KANK1: variants seen among roughly 807,000 people sequenced by gnomAD.
KANK1 encodes KN motif and ankyrin repeat domain-containing protein 1.
KANK1 carries 109 observed loss-of-function variants against 106.2 expected under a neutral mutation model. The ratio of observed to expected loss-of-function variants is 1.03; its 90% confidence interval spans 0.88 to 1.20. KANK1 has a LOEUF of 1.20. Among genes scored for constraint, KANK1 ranks in the 50% most tolerant of loss-of-function variants. KANK1 has a pLI of 0.00. For missense variants in KANK1, 2,399 were observed against 1,710.7 expected (o/e 1.40, Z -7.10); for synonymous variants, 873 against 652.2 (o/e 1.34, Z -5.16).
intron 1 of KANK1, among the ~76,000 whole-genome samples, chr9:590,159 T>TAA (rs1260721610): frequency 6.6e-6 from 1 of 152,190 alleles, no homozygotes; most frequent in African/African-American, 2.4e-5. Context: ...CCTCAGGAGT[T>TAA]AAGTGCCACA....
rs879664593 is a variant in KANK1, at chr9:712,963, A to C, written c.2197A>C (p.Thr733Pro). The C allele has an allele frequency of 6.2e-7, 1 of 1,614,032 alleles. No homozygotes were observed. The highest frequency in any genetic ancestry group is 8.5e-7 in the Non-Finnish European group (1 of 1,180,022). ...RVKDINSSTKTRSIGVGTLLS... is the reference protein window; with the variant it reads ...RVKDINSSTKPRSIGVGTLLS... Reference sequence around the variant, plus strand: ...CAAGGACATCAACTCCTCCACCAAGACGCGGTCCATTGGTGTTGGAACGTT... The same window carrying C: ...CAAGGACATCAACTCCTCCACCAAGCCGCGGTCCATTGGTGTTGGAACGTT... Residue 733 changes from threonine to proline, a missense_variant, in exon 3 of 12, where the codon ACG becomes CCG. Transcript: ENST00000382297.
At chr9:569,190 T>C (rs1222199617) in intron 1 of KANK1, among the ~76,000 whole-genome samples, 1 of 128,860 alleles carries the variant, frequency 7.8e-6, no homozygotes, top group Non-Finnish European at 1.9e-5. Flanking sequence ...TTTTATCAAC[T>C]TTGTCTCAAA....
intron 2 of KANK1, among the ~76,000 whole-genome samples, chr9:692,034 A>G (rs1407471833): frequency 2.0e-5 from 3 of 152,182 alleles, no homozygotes; most frequent in African/African-American, 7.2e-5. Context: ...AGCCAGTTCT[A>G]AACAATAAAA....
At chr9:705,017 A>AG (rs1823674121) in intron 2 of KANK1, among the ~76,000 whole-genome samples, 4 of 137,456 alleles carry the variant, frequency 2.9e-5, no homozygotes. Flanking sequence ...AAAAAAAAAA[A>AG]GAGCAATACC....
chr9:712,308 G>A lies in KANK1; in HGVS notation c.1542G>A (p.Lys514=). The A allele has an allele frequency of 6.2e-7, 1 of 1,614,236 alleles. No homozygotes were observed. The highest frequency in any genetic ancestry group is 8.5e-7 in the Non-Finnish European group (1 of 1,180,046). ...TGGCCCAGCCGCTTGTTTTCAGTAAGGTGGTGGAGGCAGTGGTGCAGACCA... is the reference window on the plus strand; with the variant it reads ...TGGCCCAGCCGCTTGTTTTCAGTAAAGTGGTGGAGGCAGTGGTGCAGACCA... ...ATMAQPLVFS[K]VVEAVVQTRD... The change falls in exon 3 of 12, where the codon AAG becomes AAA. Residue 514 remains lysine, a synonymous_variant. Transcript: ENST00000382297.
intron 1 of KANK1, among the ~76,000 whole-genome samples, chr9:633,816 C>T (rs565364814): frequency 1.3e-5 from 2 of 152,122 alleles, no homozygotes; most frequent in Non-Finnish European, 2.9e-5. Context: ...CCACACCTGG[C>T]TAAGTTTTTA....
At chr9:617,130 G>T (rs1832034061) in intron 1 of KANK1, among the ~76,000 whole-genome samples, 2 of 151,448 alleles carry the variant, frequency 1.3e-5, no homozygotes, top group African/African-American at 4.9e-5. Context: ...TTTCATTCTT[G>T]CAAGGAATCA....
intron 1 of KANK1, among the ~76,000 whole-genome samples, chr9:560,323 A>G (rs1397154830): frequency 6.6e-6 from 1 of 152,244 alleles, no homozygotes; most frequent in Non-Finnish European, 1.5e-5. Flanking sequence ...CTTGATTGTA[A>G]TAAGATAGAT....
At chr9:685,607 A>G (rs1189928538) in intron 2 of KANK1, 1 of 152,236 alleles carries the variant, frequency 6.6e-6, no homozygotes, top group Admixed American at 6.5e-5. Context: ...ATTTCACCAT[A>G]CAAACCTTTA....
At chr9:557,453 A>T (rs2061666597) in intron 1 of KANK1, among the ~76,000 whole-genome samples, 1 of 152,204 alleles carries the variant, frequency 6.6e-6, no homozygotes, top group Admixed American at 6.5e-5. Context: ...ACAAAAATGA[A>T]TGTGGAGGTT....
At chr9:587,978 A>G (rs1306622249) in intron 1 of KANK1, among the ~76,000 whole-genome samples, 1 of 152,140 alleles carries the variant, frequency 6.6e-6, no homozygotes, top group African/African-American at 2.4e-5. Flanking sequence ...AGGCAGGAGA[A>G]TTGCTTGAAC....
At chr9:518,353 G>A (rs1466135451) in intron 1 of KANK1, among the ~76,000 whole-genome samples, 2 of 151,512 alleles carry the variant, frequency 1.3e-5, no homozygotes, top group Non-Finnish European at 2.9e-5. Context: ...TCCCAGGCTG[G>A]GTTGTGTCAT....
In KANK1 at chr9:678,881, C is replaced by G. The variant is rs528064114; in HGVS notation, c.37+1872C>G. 6.6e-5 allele frequency among the ~76,000 whole-genome samples: 10 copies of G among 152,274 alleles called. No homozygotes were observed. In the South Asian group the frequency reaches 2.1e-3, roughly 32 times the overall value. The stretch of plus-strand genomic sequence containing the variant: ...CCCTTGCCCTCCATTTGCTTCCATT[C>G]ACATGCTCAGGGGAAGGGGTGTTTA... On this transcript the variant is annotated intron_variant, in intron 2 of 11. Transcript: ENST00000382297.
chr9:711,722 T>G lies in KANK1; in HGVS notation c.956T>G (p.Val319Gly), dbSNP rs1826151485. 3 of 1,614,134 alleles carry G rather than the reference T, an allele frequency of 1.9e-6. No homozygotes were observed. Among genetic ancestry groups the G allele is most frequent in the East Asian group, 2.2e-5 (1 of 44,880 alleles). The change falls in exon 3 of 12, where the codon GTG becomes GGG. Residue 319 changes from valine to glycine, a missense_variant. By Grantham distance (109) the Val-to-Gly change is moderately radical. Coordinates refer to ENST00000382297, the MANE Select transcript of KANK1 (RefSeq NM_015158.5). ...GCATCCCAGATCAATGTCTGTGGTG[T>G]GAGGAAGCGGTCCTATAGTGCGGGG... Reference protein sequence around the residue: ...RAASQINVCGVRKRSYSAGNA... With the variant: ...RAASQINVCGGRKRSYSAGNA...
chr9:735,905 G>C (rs1462737382), intron 7 of KANK1: 1 of 240,024 alleles, frequency 4.2e-6, no homozygotes, highest in East Asian at 9.2e-5. Flanking sequence ...TGAGGCTGGA[G>C]AATTGCTTGC....
At chr9:492,831 C>T (rs1381736420) in intron 3 of KANK1, among the ~76,000 whole-genome samples, 1 of 151,904 alleles carries the variant, frequency 6.6e-6, no homozygotes, top group Non-Finnish European at 1.5e-5. Flanking sequence ...TCGAGACCAG[C>T]CTGACCAACA....
At chr9:529,026 T>A (rs963652227) in intron 1 of KANK1, among the ~76,000 whole-genome samples, 1 of 152,104 alleles carries the variant, frequency 6.6e-6, no homozygotes, top group Admixed American at 6.6e-5. Flanking sequence ...CTTGAACTCC[T>A]GGACTCAAGT....
At chr9:562,005 G>T (rs1268137229) in intron 1 of KANK1, among the ~76,000 whole-genome samples, 1 of 149,938 alleles carries the variant, frequency 6.7e-6, no homozygotes, top group East Asian at 1.9e-4. Context: ...TATAACTTAG[G>T]TAAGTTGGGG....
intron 1 of KANK1, among the ~76,000 whole-genome samples, chr9:565,768 C>T (rs988831928): frequency 9.2e-5 from 14 of 152,138 alleles, no homozygotes; most frequent in South Asian, 2.1e-4. Context: ...TCTTAGGTTC[C>T]GCAAGAGTGA....
Sources: gnomAD v4.1 joint callset for allele counts (sites outside exome capture counted in the v4.1 genomes callset) on GRCh38, gnomAD v4.1.1 for gene constraint, MANE v1.5 for transcripts, NCBI Gene and HGNC (gene_info 2026-07-23, HGNC 2026-07-21) for gene names.